TXNDC9: variants seen among roughly 807,000 people sequenced by gnomAD.
TXNDC9 encodes thioredoxin domain containing 9.
In TXNDC9, 7 loss-of-function variants were observed where a neutral mutation model predicts 23.0. The observed-to-expected ratio is 0.30, with a 90% CI of 0.17 to 0.57. The LOEUF is 0.57. Ranked by LOEUF, TXNDC9 falls within the 20% of genes least tolerant of loss-of-function variation. TXNDC9 has a pLI of 0.90. For missense variants in TXNDC9, 198 were observed against 252.6 expected (o/e 0.78, Z 1.47); for synonymous variants, 72 against 90.6 (o/e 0.79, Z 1.17).
At chr2:99,335,800 G>A (rs1199724209) in intron 1 of TXNDC9, among the ~76,000 whole-genome samples, 3 of 151,400 alleles carry the variant, frequency 2.0e-5, no homozygotes, top group Non-Finnish European at 4.4e-5. Context: ...GGTGGTCAGA[G>A]CATTGAGAAT....
At chr2:99,322,429 T>C (rs1437823197) in intron 3 of TXNDC9, 6 of 1,252,438 alleles carry the variant, frequency 4.8e-6, no homozygotes, top group Non-Finnish European at 5.4e-6. Context: ...GAAAGTCAGA[T>C]TTGCATTAAT....
In TXNDC9 at chr2:99,333,079, C is replaced by T. The variant is rs967364045; in HGVS notation, c.132G>A (p.Leu44=). 1 of 1,614,066 alleles carries T rather than the reference C, an allele frequency of 6.2e-7. No homozygotes were observed. Among genetic ancestry groups the T allele is most frequent in the Non-Finnish European group, 8.5e-7 (1 of 1,180,018 alleles). Residue 44 remains leucine (L), a synonymous_variant, in exon 2 of 5, where the codon TTG becomes TTA. Transcript: ENST00000264255. ...QKLDQMDEDE[L]ERLKEKRLQA... ...GGAGTCTCTTTTCTTTAAGGCGTTC[C>T]AATTCATCCTCATCCATCTGATCCA...
At chr2:99,317,012 T>A (rs991808068), downstream of TXNDC9, among the ~76,000 whole-genome samples, 1 of 152,162 alleles carries the variant, frequency 6.6e-6, no homozygotes, top group African/African-American at 2.4e-5. Context: ...CGCCTTGGCC[T>A]CCCAAAGTGC....
At chr2:99,330,316 A>AAAAAAAAAAC (rs1385608079) in intron 2 of TXNDC9, among the ~76,000 whole-genome samples, 1 of 143,898 alleles carries the variant, frequency 6.9e-6, no homozygotes, top group Non-Finnish European at 1.5e-5. Context: ...AAAAAAAAAA[A>AAAAAAAAAAC]AAAGCTGCTA....
chr2:99,310,306 C>T, the TXNDC9 span, among the ~76,000 whole-genome samples: 1 of 152,128 alleles, frequency 6.6e-6, no homozygotes, highest in Non-Finnish European at 1.5e-5. Flanking sequence ...GTCAGAGTCT[C>T]ACTCTGTTGT....
At chr2:99,321,374 G>T (rs1471775524) in intron 4 of TXNDC9, 1 of 152,112 alleles carries the variant, frequency 6.6e-6, no homozygotes, top group Admixed American at 6.6e-5. Context: ...CTGAAGAAGT[G>T]GACAAAGAAA....
At chr2:99,315,959 C>T (rs1313330782), downstream of TXNDC9, among the ~76,000 whole-genome samples, 1 of 152,012 alleles carries the variant, frequency 6.6e-6, no homozygotes, top group Non-Finnish European at 1.5e-5. Flanking sequence ...ATTTTAAGAT[C>T]AACTTGTCAA....
chr2:99,312,453 C>T, the TXNDC9 span, among the ~76,000 whole-genome samples: 1 of 148,178 alleles, frequency 6.7e-6, no homozygotes, highest in African/African-American at 2.5e-5. Context: ...GCCAAAATCG[C>T]ACCACTGCAC....
chr2:99,313,287 C>G, the TXNDC9 span, among the ~76,000 whole-genome samples: 1 of 152,166 alleles, frequency 6.6e-6, no homozygotes, highest in Non-Finnish European at 1.5e-5. Context: ...CCAGGTTGGT[C>G]TTGAGCTCTC....
downstream of TXNDC9, chr2:99,318,854 A>G (rs2094195270): frequency 6.6e-6 from 1 of 152,222 alleles, no homozygotes; most frequent in Admixed American, 6.5e-5. Context: ...GGAATGAGGC[A>G]TGCTAATAAT....
At chr2:99,314,955 G>C (rs1282508311), downstream of TXNDC9, among the ~76,000 whole-genome samples, 1 of 144,564 alleles carries the variant, frequency 6.9e-6, no homozygotes, top group Non-Finnish European at 1.5e-5. Context: ...CAGTGCAGTG[G>C]CATGATCTCG....
chr2:99,326,404 C>G (rs1238203866), intron 3 of TXNDC9, among the ~76,000 whole-genome samples: 2 of 152,206 alleles, frequency 1.3e-5, no homozygotes, highest in Non-Finnish European at 2.9e-5. Context: ...GCCAGAGACT[C>G]TAGAGCACAG....
intron 3 of TXNDC9, among the ~76,000 whole-genome samples, chr2:99,323,318 A>C (rs928364817): frequency 1.3e-5 from 2 of 151,902 alleles, no homozygotes; most frequent in African/African-American, 4.8e-5. Flanking sequence ...GAGGCAGGAG[A>C]ATCACTTGAA....
chr2:99,326,362 A>C (rs2094212670), intron 3 of TXNDC9, among the ~76,000 whole-genome samples: 1 of 152,230 alleles, frequency 6.6e-6, no homozygotes, highest in South Asian at 2.1e-4. Flanking sequence ...CACAGAAATG[A>C]GAAAGAGAGC....
chr2:99,315,945 A>C (rs2094187972), downstream of TXNDC9, among the ~76,000 whole-genome samples: 1 of 152,200 alleles, frequency 6.6e-6, no homozygotes, highest in Non-Finnish European at 1.5e-5. Context: ...CTGGGTCCAC[A>C]TAAATTTTAA....
chr2:99,323,949 G>A (rs1435231047), intron 3 of TXNDC9, among the ~76,000 whole-genome samples: 1 of 151,820 alleles, frequency 6.6e-6, no homozygotes, highest in African/African-American at 2.4e-5. Flanking sequence ...GGGTTCAATC[G>A]ATTCTCCTTC....
At chr2:99,317,644 T>C (rs2094192146), downstream of TXNDC9, among the ~76,000 whole-genome samples, 1 of 152,178 alleles carries the variant, frequency 6.6e-6, no homozygotes, top group South Asian at 2.1e-4. Flanking sequence ...CCACTCATTT[T>C]TTTTTTCATT....
the TXNDC9 span, among the ~76,000 whole-genome samples, chr2:99,311,518 G>A: frequency 2.6e-5 from 4 of 152,068 alleles, no homozygotes; most frequent in Non-Finnish European, 2.9e-5. Context: ...GGCTGGTCTC[G>A]AACTCCTGGG....
In TXNDC9 at chr2:99,327,234, G is replaced by A. The variant is rs572562692; in HGVS notation, c.308+301C>T. 1.7e-4 allele frequency among the ~76,000 whole-genome samples: 26 copies of A among 151,978 alleles called. 1 individual carries two copies. The South Asian group carries it at 4.0e-3, about 23-fold the overall frequency. On this transcript the variant is annotated intron_variant, in intron 3 of 4. Coordinates refer to ENST00000264255, the MANE Select transcript of TXNDC9 (RefSeq NM_005783.4). Reference sequence around the variant, plus strand: ...ACTACAGGTACCTGCCACCACACCCGGCTAATTTTGTAGTTTTAGTAGAGG... The same window carrying A: ...ACTACAGGTACCTGCCACCACACCCAGCTAATTTTGTAGTTTTAGTAGAGG...
Sources: gnomAD v4.1 joint callset for allele counts (sites outside exome capture counted in the v4.1 genomes callset) on GRCh38, gnomAD v4.1.1 for gene constraint, MANE v1.5 for transcripts, NCBI Gene and HGNC (gene_info 2026-07-23, HGNC 2026-07-21) for gene names.